The following STAT1 variants were observed in gnomAD, a reference collection of about 807,000 sequenced individuals.
STAT1 encodes the protein signal transducer and activator of transcription 1, also known as signal transducer and activator of transcription 1-alpha/beta.
In STAT1, 24 loss-of-function variants were observed where a neutral mutation model predicts 111.7. The observed-to-expected ratio is 0.21, with a 90% confidence interval of 0.16 to 0.30. The LOEUF (loss-of-function observed/expected upper bound fraction) is 0.30. Among genes scored for constraint, STAT1 ranks in the 10% least tolerant of loss-of-function variants. The pLI, the probability that STAT1 is intolerant of heterozygous loss-of-function variation, is 1.00. For synonymous variants in STAT1, 332 were observed against 326.5 expected, an observed-to-expected ratio of 1.02 and a Z score of -0.18; for missense variants, 351 against 911.9, an observed-to-expected ratio of 0.38 and a Z score of 7.92.
chr2:191,006,484 G>T lies in STAT1; in HGVS notation c.372+1079C>A, dbSNP rs138392336. On this transcript the variant is annotated intron_variant, in intron 5 of 24. Transcript: ENST00000361099. This position sits in a 1 kb window ranked among gnomAD's most constrained non-coding sequence, Gnocchi z 4.6. ...CAGGATTACAAGGACTGGGACAAAT[G>T]CTCAGGCAGTGTGTGGAGAATGGCA... is the stretch of plus-strand genomic sequence containing the variant. Among the ~76,000 whole-genome samples, 377 of 152,328 alleles carry T rather than the reference G, an allele frequency of 2.5e-3. 3 individuals are homozygous for T. Among genetic ancestry groups the T allele is most frequent in the African/African-American group, 8.4e-3 (349 of 41,576 alleles).
At position 190,979,754 on chromosome 2, in the gene STAT1, T is replaced by A; in HGVS notation, c.1727+18A>T. 6.3e-7 allele frequency: 1 copy of A among 1,582,980 alleles called. No homozygotes were observed. Among genetic ancestry groups the A allele is most frequent in the Non-Finnish European group, 8.7e-7 (1 of 1,151,624 alleles). On this transcript the variant is annotated intron_variant, in intron 20 of 24. Coordinates refer to ENST00000361099, the MANE Select transcript of STAT1 (RefSeq NM_007315.4). This position sits in a 1 kb window ranked among gnomAD's most constrained non-coding sequence, Gnocchi z 5.8. ...CACTAAAAATATGTTTCAAAATACATCTATCGGTGGCCCTTACCCATCATT... is the reference window on the plus strand; with the variant it reads ...CACTAAAAATATGTTTCAAAATACAACTATCGGTGGCCCTTACCCATCATT...
Position 190,982,278 on chromosome 2 carries a change from G to T in STAT1, c.1582+105C>A. 1 of 1,354,926 alleles carries T rather than the reference G, an allele frequency of 7.4e-7. No individual in the cohort carries two copies. The allele number at this position is 1,354,926 out of a possible 1,614,324, so 83.9% of individuals were successfully genotyped here. A position where few individuals can be genotyped will look rare whatever the true frequency, so the allele number is the denominator to read the frequency against. On this transcript the variant is annotated intron_variant, in intron 18 of 24. Transcript: ENST00000361099. This position sits in a 1 kb window ranked among gnomAD's most constrained non-coding sequence, Gnocchi z 7.3. ...TAGCTTGAAAAGCTGACAGATTTTA[G>T]TACTTTTTTACCTTTAACAAAATAG... is the stretch of plus-strand genomic sequence containing the variant.
chr2:190,991,079 TCA>T, intron 11 of STAT1, 147 bp downstream of exon 11: 1 of 695,392 alleles, frequency 1.4e-6, no homozygotes, highest in Non-Finnish European at 2.6e-6. Context: ...TAAAAGACTC[TCA>T]GATATTCTCA....
At position 190,991,159 on chromosome 2, in the gene STAT1, TATA is replaced by T. The variant is rs1380933897; in HGVS notation, c.1037+66_1037+68del. On this transcript the variant is annotated intron_variant, in intron 11 of 24. Coordinates refer to ENST00000361099, the MANE Select transcript of STAT1 (RefSeq NM_007315.4). Reference sequence around the variant, plus strand: ...CAAAAGCACCCTATATAACAGTTTTTATAAAAGGAAACTAGGGGTACAAACTAC... The same window carrying T: ...CAAAAGCACCCTATATAACAGTTTTTAAAGGAAACTAGGGGTACAAACTAC... 7 of 1,499,260 alleles carry T rather than the reference TATA, an allele frequency of 4.7e-6. No individual in the cohort carries two copies. The Admixed American group carries it at 1.2e-4, about 25-fold the overall frequency. The allele number at this position is 1,499,260 out of a possible 1,614,324, so 92.9% of individuals were successfully genotyped here.
At position 190,989,118 on chromosome 2, in the gene STAT1, A is replaced by G. The variant is rs981840595; in HGVS notation, c.1097+497T>C. On this transcript the variant is annotated intron_variant, in intron 12 of 24. Coordinates refer to ENST00000361099, the MANE Select transcript of STAT1 (RefSeq NM_007315.4). This position sits in a 1 kb window ranked among gnomAD's most constrained non-coding sequence, Gnocchi z 5.0. ...CAAGATGCTGCTGACCTCGCTCCAG[A>G]AAAAAACCCCCAAATGACCACAGAA... 3.9e-5 allele frequency among the ~76,000 whole-genome samples: 6 copies of G among 152,130 alleles called. No individual in the cohort carries two copies. Among genetic ancestry groups the G allele is most frequent in the African/African-American group, 1.4e-4 (6 of 41,502 alleles).
rs182103357 is a variant in STAT1 at position 191,004,352 on chromosome 2, G to C, written c.373-3189C>G. On this transcript the variant is annotated intron_variant, in intron 5 of 24. Coordinates refer to ENST00000361099, the MANE Select transcript of STAT1 (RefSeq NM_007315.4). This position sits in a 1 kb window ranked among gnomAD's most constrained non-coding sequence, Gnocchi z 5.0. ...TTCTCGTTTCACTACTGTACCTCTA[G>C]AGACCTTGTTTGGATGGGAACTTGG... Among the ~76,000 whole-genome samples, 41 of 152,308 alleles carry C rather than the reference G, an allele frequency of 2.7e-4. 1 individual carries two copies. The highest frequency in any genetic ancestry group is 9.4e-4 in the African/African-American group (39 of 41,556).
Position 190,985,649 on chromosome 2 carries a change from T to C in STAT1, c.1233A>G (p.Glu411=), listed in dbSNP as rs201555918. ...AAEFRHLQLK[E]QKNAGTRTNE... The stretch of plus-strand genomic sequence containing the variant: ...TCGTTCTGGTGCCAGCATTTTTCTG[T>C]TCTTTCAATTGCTATAAAACAAATA... The change falls in exon 15 of 25, where the codon GAA becomes GAG. Residue 411 remains glutamate, a synonymous_variant. Coordinates refer to ENST00000361099, the MANE Select transcript of STAT1 (RefSeq NM_007315.4). 1.2e-5 allele frequency: 19 copies of C among 1,614,212 alleles called. No homozygotes were observed. The East Asian group carries it at 3.8e-4, about 32-fold the overall frequency.
rs2125034622 is a variant in STAT1 at position 190,986,845 on chromosome 2, T to C, written c.1221+9A>G. The C allele has an allele frequency of 6.2e-7, 1 of 1,613,354 alleles. No individual in the cohort carries two copies. The highest frequency in any genetic ancestry group is 8.5e-7 in the Non-Finnish European group (1 of 1,179,218). ...AGAGACAACATAGAGAGGAAACTGATGTCCCTACCAGGTGCCGAAATTCAG... is the reference window on the plus strand; with the variant it reads ...AGAGACAACATAGAGAGGAAACTGACGTCCCTACCAGGTGCCGAAATTCAG... On this transcript the variant is annotated intron_variant, in intron 14 of 24. Transcript: ENST00000361099. The surrounding 1 kb of genome is among the most constrained non-coding windows in gnomAD (Gnocchi z 5.0).
Position 190,999,732 on chromosome 2 carries a change from C to T in STAT1, c.463-28G>A, listed in dbSNP as rs758897595. On this transcript the variant is annotated intron_variant, in intron 6 of 24. Transcript: ENST00000361099. This position sits in a 1 kb window ranked among gnomAD's most constrained non-coding sequence, Gnocchi z 4.1. ...ACAAACAAAGATGTAAACATGTTTTCTACTGATCAGCAACTTCCAAAGACT... is the reference window on the plus strand; with the variant it reads ...ACAAACAAAGATGTAAACATGTTTTTTACTGATCAGCAACTTCCAAAGACT... 79 of 1,540,280 alleles carry T rather than the reference C, an allele frequency of 5.1e-5. No homozygotes were observed. Among genetic ancestry groups the T allele is most frequent in the Non-Finnish European group, 6.9e-5 (77 of 1,113,806 alleles).
chr2:190,979,010 C>G lies in STAT1; in HGVS notation c.1728-9G>C. On this transcript the variant is annotated splice_polypyrimidine_tract_variant and intron_variant, in intron 20 of 24. Transcript: ENST00000361099. The surrounding 1 kb of genome is among the most constrained non-coding windows in gnomAD (Gnocchi z 5.8). Reference sequence around the variant, plus strand: ...TGAAGCCCATGATGCACCTGGATATCGAAGAGATGGACGGATGGGCTTTTA... The same window carrying G: ...TGAAGCCCATGATGCACCTGGATATGGAAGAGATGGACGGATGGGCTTTTA... 2.5e-6 allele frequency: 4 copies of G among 1,614,072 alleles called. No individual in the cohort carries two copies. Among genetic ancestry groups the G allele is most frequent in the Non-Finnish European group, 2.5e-6 (3 of 1,180,000 alleles).
intron 3 of STAT1, among the ~76,000 whole-genome samples, chr2:191,009,562 T>G (rs1485463247): frequency 6.6e-6 from 1 of 152,234 alleles, no homozygotes; most frequent in Non-Finnish European, 1.5e-5. Context: ...CTTTCTATAG[T>G]CTGGATCCTA....
In STAT1 at chr2:190,989,124, A is replaced by C. The variant is rs1559013356; in HGVS notation, c.1097+491T>G. ...GCTGCTGACCTCGCTCCAGAAAAAA[A>C]CCCCCAAATGACCACAGAATCATGG... is the stretch of plus-strand genomic sequence containing the variant. On this transcript the variant is annotated intron_variant, in intron 12 of 24. Coordinates refer to ENST00000361099, the MANE Select transcript of STAT1 (RefSeq NM_007315.4). This position sits in a 1 kb window ranked among gnomAD's most constrained non-coding sequence, Gnocchi z 5.0. Among the ~76,000 whole-genome samples the C allele has an allele frequency of 1.3e-5, 2 of 151,808 alleles. No individual in the cohort carries two copies. The highest frequency in any genetic ancestry group is 4.8e-5 in the African/African-American group (2 of 41,294).
intron 2 of STAT1, 125 bp from the exon 3 acceptor site, chr2:191,010,129 G>A (rs1312332986): frequency 4.2e-6 from 5 of 1,181,916 alleles, no homozygotes; most frequent in Non-Finnish European, 4.8e-6. Flanking sequence ...TTTGTCCCAG[G>A]AATATTTTAT....
Position 190,983,859 on chromosome 2 carries a change from G to GTATT in STAT1, c.1348-120_1348-119insAATA. On this transcript the variant is annotated intron_variant, in intron 16 of 24. Transcript: ENST00000361099. The surrounding 1 kb of genome is among the most constrained non-coding windows in gnomAD (Gnocchi z 5.7). The stretch of plus-strand genomic sequence containing the variant: ...GTAAATTTGTACATATTTAATACTT[G>GTATT]AAAATGAGAAGTGTTAAGTTCTGTT... 1 of 840,060 alleles carries GTATT rather than the reference G, an allele frequency of 1.2e-6. No homozygotes were observed. The highest frequency in any genetic ancestry group is 1.7e-5 in the African/African-American group (1 of 59,664). 52.0% of individuals were successfully genotyped at this position (840,060 alleles called of 1,614,324 possible). A position where few individuals can be genotyped will look rare whatever the true frequency, so the allele number is the denominator to read the frequency against.
Position 190,997,921 on chromosome 2 carries a change from C to A in STAT1, c.720G>T (p.Lys240Asn). Residue 240 changes from lysine (K) to asparagine (N), a missense_variant, in exon 9 of 25, where the codon AAG becomes AAT. Around this residue, in one of 7 missense-constraint regions of STAT1, gnomAD observed 67 missense variants for 158.9 expected, o/e 0.42. Transcript: ENST00000361099. The surrounding 1 kb of genome is among the most constrained non-coding windows in gnomAD (Gnocchi z 7.3). ...CAATACAGGCGCTCTGCTGTCTCCG[C>A]TTCCACTCCACTAGTTCATCATTAA... ...ALINDELVEW[K>N]RRQQSACIGG... 6.2e-7 allele frequency: 1 copy of A among 1,614,254 alleles called. No homozygotes were observed. The highest frequency in any genetic ancestry group is 8.5e-7 in the Non-Finnish European group (1 of 1,180,050).
Position 190,986,970 on chromosome 2 carries a change from G to A in STAT1, c.1128-23C>T. On this transcript the variant is annotated intron_variant, in intron 13 of 24. Transcript: ENST00000361099. This position sits in a 1 kb window ranked among gnomAD's most constrained non-coding sequence, Gnocchi z 5.0. ...AATCTATACAATATAGGAAAGAAAT[G>A]CTGAAAAGTCTTCCAACTATTAAAT... is the stretch of plus-strand genomic sequence containing the variant. 1 of 1,612,492 alleles carries A rather than the reference G, an allele frequency of 6.2e-7. No individual in the cohort carries two copies. The highest frequency in any genetic ancestry group is 8.5e-7 in the Non-Finnish European group (1 of 1,178,574).
In STAT1 at chr2:190,996,161, C is replaced by T. The variant is rs1379801007; in HGVS notation, c.786-942G>A. Among the ~76,000 whole-genome samples the T allele has an allele frequency of 6.6e-6, 1 of 152,196 alleles. No individual in the cohort carries two copies. Among genetic ancestry groups the T allele is most frequent in the Non-Finnish European group, 1.5e-5 (1 of 68,016 alleles). On this transcript the variant is annotated intron_variant, in intron 9 of 24. Coordinates refer to ENST00000361099, the MANE Select transcript of STAT1 (RefSeq NM_007315.4). The surrounding 1 kb of genome is among the most constrained non-coding windows in gnomAD (Gnocchi z 4.5). ...CAGTATGCTCAGTCTAGACCCTAAACATAAAAAGCCAATGAGTAAACCCAG... is the reference window on the plus strand; with the variant it reads ...CAGTATGCTCAGTCTAGACCCTAAATATAAAAAGCCAATGAGTAAACCCAG...
chr2:190,993,064 A>C lies in STAT1; in HGVS notation c.945-1744T>G, dbSNP rs1212028145. The C allele has an allele frequency of 4.1e-5, 14 of 345,536 alleles. No homozygotes were observed. Among genetic ancestry groups the C allele is most frequent in the South Asian group, 3.5e-4 (14 of 39,504 alleles). The allele number at this position is 345,536 out of a possible 1,614,324, so 21.4% of individuals were successfully genotyped here. On this transcript the variant is annotated intron_variant, in intron 10 of 24. Coordinates refer to ENST00000361099, the MANE Select transcript of STAT1 (RefSeq NM_007315.4). The surrounding 1 kb of genome is among the most constrained non-coding windows in gnomAD (Gnocchi z 4.1). ...CTCGGCCTCCCAAAGTGCTGGGATT[A>C]CAGGCATGAGCCACCGTGCCGGGCC...
Position 190,989,171 on chromosome 2 carries a change from G to C in STAT1, c.1097+444C>G, listed in dbSNP as rs978298480. Reference sequence around the variant, plus strand: ...ATGGCAGCCTGGACGTTCAGCCTCGGGTTGGATCAGGGGCCTCTCCTTTGG... The same window carrying C: ...ATGGCAGCCTGGACGTTCAGCCTCGCGTTGGATCAGGGGCCTCTCCTTTGG... On this transcript the variant is annotated intron_variant, in intron 12 of 24. Coordinates refer to ENST00000361099, the MANE Select transcript of STAT1 (RefSeq NM_007315.4). The surrounding 1 kb of genome is among the most constrained non-coding windows in gnomAD (Gnocchi z 5.0). 2.6e-5 allele frequency among the ~76,000 whole-genome samples: 4 copies of C among 152,198 alleles called. No homozygotes were observed. The highest frequency in any genetic ancestry group is 9.7e-5 in the African/African-American group (4 of 41,450).
Sources: gnomAD v4.1 joint callset for allele counts (sites outside exome capture counted in the v4.1 genomes callset) on GRCh38, gnomAD v4.1.1 for gene constraint, gnomAD v4.1.1 regional missense constraint, Gnocchi (gnomAD v3.1) non-coding constraint, MANE v1.5 for transcripts, NCBI Gene and HGNC (gene_info 2026-07-23, HGNC 2026-07-21) for gene names.